RAPGEF5: variants seen among roughly 807,000 people sequenced by gnomAD.
RAPGEF5 encodes Rap guanine nucleotide exchange factor 5.
Under a neutral mutation model 125.2 loss-of-function variants are expected in RAPGEF5, and 65 were observed. The observed-to-expected ratio is 0.52, with a 90% CI of 0.43 to 0.64. The LOEUF is 0.64. Among genes scored for constraint, RAPGEF5 ranks in the 30% least tolerant of loss-of-function variants. The pLI is 0.00. For synonymous variants in RAPGEF5, 391 were observed against 385.9 expected (o/e 1.01, Z -0.16); for missense variants, 958 against 1,048.1 (o/e 0.91, Z 1.19).
At chr7:22,284,663 C>T (rs1782755234) in intron 6 of RAPGEF5, among the ~76,000 whole-genome samples, 2 of 152,102 alleles carry the variant, frequency 1.3e-5, no homozygotes, top group Admixed American at 1.3e-4. Flanking sequence ...GATCCTGTGG[C>T]AGCCAGAAAG....
chr7:22,168,560 G>A (rs140689261), intron 11 of RAPGEF5, among the ~76,000 whole-genome samples: 65 of 152,270 alleles, frequency 4.3e-4, no homozygotes, highest in African/African-American at 1.4e-3. Context: ...TAATTGCCCA[G>A]TATAGAGCCC....
chr7:22,226,606 T>A (rs1785924664), intron 8 of RAPGEF5, among the ~76,000 whole-genome samples: 1 of 152,128 alleles, frequency 6.6e-6, no homozygotes, highest in African/African-American at 2.4e-5. Flanking sequence ...CCACGAAGCA[T>A]CCACAGTGAG....
chr7:22,324,897 G>A (rs1363933956), intron 1 of RAPGEF5, among the ~76,000 whole-genome samples: 2 of 152,080 alleles, frequency 1.3e-5, no homozygotes, highest in Non-Finnish European at 2.9e-5. Flanking sequence ...AGTGTTCCAA[G>A]TCTTTAACCT....
intron 1 of RAPGEF5, among the ~76,000 whole-genome samples, chr7:22,337,744 A>C (rs1000499578): frequency 6.6e-6 from 1 of 152,224 alleles, no homozygotes; most frequent in Non-Finnish European, 1.5e-5. Flanking sequence ...CAGTGGGACC[A>C]TGTCCAGCGT....
At chr7:22,165,192 A>G (rs1784124013) in intron 12 of RAPGEF5, among the ~76,000 whole-genome samples, 1 of 152,192 alleles carries the variant, frequency 6.6e-6, no homozygotes, top group African/African-American at 2.4e-5. Flanking sequence ...TGTGTATATA[A>G]TGTCTTAGTC....
chr7:22,337,208 G>A (rs1387717238), intron 1 of RAPGEF5, among the ~76,000 whole-genome samples: 1 of 152,212 alleles, frequency 6.6e-6, no homozygotes, highest in Non-Finnish European at 1.5e-5. Flanking sequence ...CGGTATGGGT[G>A]CTGCTGGTTT....
intron 16 of RAPGEF5, among the ~76,000 whole-genome samples, chr7:22,154,864 C>A (rs752789969): frequency 6.6e-6 from 1 of 152,192 alleles, no homozygotes; most frequent in Non-Finnish European, 1.5e-5. Context: ...TTAATCTTTT[C>A]ATTATGTAAT....
At chr7:22,163,470 T>A (rs1784070360) in intron 12 of RAPGEF5, among the ~76,000 whole-genome samples, 1 of 152,202 alleles carries the variant, frequency 6.6e-6, no homozygotes, top group South Asian at 2.1e-4. Flanking sequence ...CAATGTTTAT[T>A]TATATGATTA....
At chr7:22,148,907 CT>C (rs1166517511) in intron 18 of RAPGEF5, among the ~76,000 whole-genome samples, 8 of 152,174 alleles carry the variant, frequency 5.3e-5, no homozygotes, top group Non-Finnish European at 1.0e-4. Context: ...TAAAATCAAT[CT>C]CATTATTTAC....
chr7:22,314,669 GTT>G, intron 3 of RAPGEF5: 1 of 969,226 alleles, frequency 1.0e-6, no homozygotes, highest in Non-Finnish European at 1.2e-6. Flanking sequence ...AATGGTAGTG[GTT>G]TTTCTTTTTG....
At chr7:22,181,755 C>G (rs1326995015) in intron 11 of RAPGEF5, among the ~76,000 whole-genome samples, 1 of 152,024 alleles carries the variant, frequency 6.6e-6, no homozygotes, top group Non-Finnish European at 1.5e-5. Flanking sequence ...GGCAAAAAAG[C>G]TGCAAACTGA....
At chr7:22,247,807 A>G (rs1786517124) in intron 7 of RAPGEF5, among the ~76,000 whole-genome samples, 2 of 152,214 alleles carry the variant, frequency 1.3e-5, no homozygotes, top group South Asian at 4.1e-4. Flanking sequence ...AAAATAATGA[A>G]ATAATGTCCT....
In RAPGEF5 at chr7:22,219,893, G is replaced by C. The variant is rs1209946943; in HGVS notation, c.969C>G (p.Asp323Glu). Residue 323 changes from aspartate to glutamate, a missense_variant, in exon 9 of 26, where the codon GAC becomes GAG. Transcript: ENST00000665637. ...AKENYQFLQT[D>E]KKEQEKSEHQ... Reference sequence around the variant, plus strand: ...GTTCAGACTTCTCCTGTTCTTTTTTGTCCGTCTGCAAAAACTGATAGTTTT... The same window carrying C: ...GTTCAGACTTCTCCTGTTCTTTTTTCTCCGTCTGCAAAAACTGATAGTTTT... 3.1e-6 allele frequency: 5 copies of C among 1,611,748 alleles called. No individual in the cohort carries two copies. The highest frequency in any genetic ancestry group is 4.2e-6 in the Non-Finnish European group (5 of 1,178,778).
chr7:22,236,743 G>T (rs1454359075), intron 7 of RAPGEF5, among the ~76,000 whole-genome samples: 5 of 152,190 alleles, frequency 3.3e-5, no homozygotes, highest in African/African-American at 7.2e-5. Context: ...CAGAATGGAA[G>T]TCTGATCAAG....
At chr7:22,307,410 C>G (rs1336839391) in intron 5 of RAPGEF5, among the ~76,000 whole-genome samples, 2 of 152,052 alleles carry the variant, frequency 1.3e-5, no homozygotes, top group African/African-American at 4.8e-5. Flanking sequence ...GGAACTATAA[C>G]CGGGTATTAT....
intron 1 of RAPGEF5, among the ~76,000 whole-genome samples, chr7:22,331,662 G>A (rs111297188): frequency 0.11 from 16,449 of 150,742 alleles, 925 homozygotes; most frequent in Non-Finnish European, 0.12. Context: ...GGAGAATAGC[G>A]TGAACCCGGG....
intron 11 of RAPGEF5, among the ~76,000 whole-genome samples, chr7:22,184,649 A>G (rs151212495): frequency 1.3e-5 from 2 of 152,278 alleles, no homozygotes; most frequent in East Asian, 3.9e-4. Context: ...TCCGTTATTA[A>G]TCAGTGTATG....
chr7:22,339,446 A>G (rs775460456), intron 1 of RAPGEF5, among the ~76,000 whole-genome samples: 12 of 152,220 alleles, frequency 7.9e-5, no homozygotes, highest in Non-Finnish European at 1.3e-4. Flanking sequence ...AGAAAGAAAG[A>G]AAGTGTTGTG....
intron 11 of RAPGEF5, chr7:22,193,037 A>C: frequency 2.8e-6 from 1 of 359,500 alleles, no homozygotes. Flanking sequence ...TCCTCCTTGT[A>C]TTTCTTTCCA....
Sources: allele counts gnomAD v4.1 joint callset (sites outside exome capture counted in the v4.1 genomes callset), GRCh38; gene constraint gnomAD v4.1.1; transcripts MANE v1.5; gene names NCBI Gene and HGNC (gene_info 2026-07-23, HGNC 2026-07-21).